ZNF800: variants seen among roughly 807,000 people sequenced by gnomAD.
ZNF800 encodes the protein zinc finger protein 800.
ZNF800 carries 13 observed loss-of-function variants against 59.5 expected under a neutral mutation model. That is an observed-to-expected ratio of 0.22 (90% CI 0.14 to 0.35). ZNF800 has a LOEUF of 0.35. ZNF800 is among the 10% of genes least tolerant of loss of function. The pLI is 1.00. For synonymous variants in ZNF800, 266 were observed against 265.7 expected (o/e 1.00, Z -0.01); for missense variants, 621 against 783.7 (o/e 0.79, Z 2.48).
chr7:127,377,130 C>A lies in ZNF800; in HGVS notation c.301+56G>T. The A allele has an allele frequency of 7.1e-7, 1 of 1,409,118 alleles. No homozygotes were observed. Among genetic ancestry groups the A allele is most frequent in the South Asian group, 1.4e-5 (1 of 71,892 alleles). 87.3% of individuals were successfully genotyped at this position (1,409,118 alleles called of 1,614,324 possible). On this transcript the variant is annotated intron_variant, in intron 4 of 5. Coordinates refer to ENST00000265827, the MANE Select transcript of ZNF800 (RefSeq NM_176814.5). The surrounding 1 kb of genome is among the most constrained non-coding windows in gnomAD (Gnocchi z 4.7). ...CAATTTTAATGCAAATGTATACTTG[C>A]AGTATAAGAATACTTAGCTGTAAAA...
intron 1 of ZNF800, chr7:127,361,296 G>C (rs542547151): frequency 6.6e-6 from 1 of 152,108 alleles, no homozygotes; most frequent in Non-Finnish European, 1.5e-5. Context: ...ATCACTCTAA[G>C]GCCAGGTGTG....
In ZNF800 at chr7:127,386,311, A is replaced by C. The variant is rs112858375; in HGVS notation, c.62-156T>G. Among the ~76,000 whole-genome samples, 364 of 152,318 alleles carry C rather than the reference A, an allele frequency of 2.4e-3. 2 individuals are homozygous for C. Among genetic ancestry groups the C allele is most frequent in the African/African-American group, 7.9e-3 (330 of 41,584 alleles). On this transcript the variant is annotated intron_variant, in intron 2 of 5. Transcript: ENST00000265827. ...ACGCATATATAATATGTAGATATAT[A>C]TATAATTAACCATCATCTTTGTAAG...
At chr7:127,352,871 T>C (rs955212073) in intron 1 of ZNF800, among the ~76,000 whole-genome samples, 2 of 148,962 alleles carry the variant, frequency 1.3e-5, no homozygotes, top group Non-Finnish European at 3.0e-5. Context: ...GCTGTCCACC[T>C]TCTTTAAACA....
In ZNF800 at chr7:127,392,144, G is replaced by A; in HGVS notation, c.-143C>T. 2.5e-6 allele frequency: 1 copy of A among 394,602 alleles called. No homozygotes were observed. The highest frequency in any genetic ancestry group is 4.5e-6 in the Non-Finnish European group (1 of 223,504). 24.4% of individuals were successfully genotyped at this position (394,602 alleles called of 1,614,324 possible). On this transcript the variant is annotated 5_prime_UTR_variant, in exon 1 of 6. Transcript: ENST00000265827. Reference sequence around the variant, plus strand: ...CGGGGACAGCCTGGCGTGGGAGGCGGCTGCGGGCCCCACCTGGCGCAGCCT... The same window carrying A: ...CGGGGACAGCCTGGCGTGGGAGGCGACTGCGGGCCCCACCTGGCGCAGCCT...
rs577288829 is a variant in ZNF800 at position 127,353,780 on chromosome 7, C to T, written n.225-5737G>A. Among the ~76,000 whole-genome samples, 18 of 151,968 alleles carry T rather than the reference C, an allele frequency of 1.2e-4. No homozygotes were observed. In the South Asian group the frequency reaches 2.9e-3, roughly 25 times the overall value. On this transcript the variant is annotated intron_variant and non_coding_transcript_variant, in intron 1 of 1. Transcript: ENST00000485577. ...TTGGTCCATAAGATCTAAAATCAAA[C>T]GGTTCTGACAGGCTCTATTTTTCTC...
intron 4 of ZNF800, among the ~76,000 whole-genome samples, 195 bp downstream of exon 4, chr7:127,376,991 A>G (rs890126401): frequency 8.6e-5 from 13 of 152,002 alleles, no homozygotes; most frequent in African/African-American, 3.1e-4. Context: ...ATTGATATGA[A>G]AGTACCTAAG....
At chr7:127,366,865 G>C (rs1459919387), downstream of ZNF800, among the ~76,000 whole-genome samples, 1 of 152,094 alleles carries the variant, frequency 6.6e-6, no homozygotes, top group Non-Finnish European at 1.5e-5. Context: ...ACTGACATGA[G>C]AGATTAGCCC....
intron 1 of ZNF800, among the ~76,000 whole-genome samples, chr7:127,357,969 T>C (rs1410717185): frequency 2.0e-5 from 3 of 152,012 alleles, no homozygotes; most frequent in African/African-American, 7.2e-5. Context: ...AGTAGTATAA[T>C]ACATTGATTC....
chr7:127,372,454 T>C (rs536263536), intron 5 of ZNF800: 442 of 329,924 alleles, frequency 1.3e-3, no homozygotes, highest in Non-Finnish European at 1.8e-3. Context: ...CACTCCAGCC[T>C]GGGCAACAAG....
In ZNF800 at chr7:127,385,707, G is replaced by A. The variant is rs1801120435; in HGVS notation, c.157+353C>T. ...AGTAATCTACTGTACCAAAGCTCAT[G>A]AAGACCCAGAATAATTTACTGCCTT... On this transcript the variant is annotated intron_variant, in intron 3 of 5. Transcript: ENST00000265827. 2.0e-5 allele frequency among the ~76,000 whole-genome samples: 3 copies of A among 152,216 alleles called. No individual in the cohort carries two copies. In the South Asian group the frequency reaches 6.2e-4, roughly 32 times the overall value.
chr7:127,390,196 G>T (rs1321133805), intron 2 of ZNF800, among the ~76,000 whole-genome samples: 4 of 151,928 alleles, frequency 2.6e-5, no homozygotes, highest in South Asian at 4.2e-4. Flanking sequence ...TAGACTAAAA[G>T]GTCAGTGGAA....
downstream of ZNF800, among the ~76,000 whole-genome samples, chr7:127,345,428 G>T (rs866877077): frequency 6.6e-6 from 1 of 152,178 alleles, no homozygotes; most frequent in Non-Finnish European, 1.5e-5. Flanking sequence ...TCAATAGAGT[G>T]CTCTGTGCAG....
chr7:127,363,946 C>T (rs1167520594), intron 1 of ZNF800: 1 of 151,978 alleles, frequency 6.6e-6, no homozygotes, highest in Non-Finnish European at 1.5e-5. Context: ...AGGTGCCAAG[C>T]TGTGTAAGGA....
At chr7:127,387,827 C>T (rs1002058659) in intron 2 of ZNF800, among the ~76,000 whole-genome samples, 2 of 151,838 alleles carry the variant, frequency 1.3e-5, no homozygotes, top group Admixed American at 6.6e-5. Context: ...CGCCACTGCA[C>T]TCCAGCCTGG....
At chr7:127,356,923 T>C (rs1343503922) in intron 1 of ZNF800, among the ~76,000 whole-genome samples, 1 of 152,046 alleles carries the variant, frequency 6.6e-6, no homozygotes, top group Non-Finnish European at 1.5e-5. Flanking sequence ...TATTGAAACT[T>C]GACAAAGTCT....
intron 1 of ZNF800, among the ~76,000 whole-genome samples, chr7:127,357,707 T>G (rs1038307105): frequency 6.6e-6 from 1 of 152,064 alleles, no homozygotes; most frequent in Non-Finnish European, 1.5e-5. Flanking sequence ...TCTTACAGAT[T>G]TTATCTTAAA....
chr7:127,347,041 C>T (rs712696), exon 2 of ZNF800: 97,623 of 152,280 alleles, frequency 0.64, 31,769 homozygotes, highest in East Asian at 0.86. Context: ...GCAAACCCAG[C>T]AGTGTATGCC....
chr7:127,348,205 C>T (rs1400081241), intron 1 of ZNF800, among the ~76,000 whole-genome samples: 1 of 152,096 alleles, frequency 6.6e-6, no homozygotes, highest in Admixed American at 6.5e-5. Context: ...AGAGAGAAAA[C>T]TGCGGTGGTC....
intron 2 of ZNF800, among the ~76,000 whole-genome samples, 189 bp from the exon 3 acceptor site, chr7:127,386,344 G>A (rs1440067552): frequency 1.3e-5 from 2 of 152,090 alleles, no homozygotes; most frequent in Admixed American, 6.5e-5. Context: ...AAGGCAAAAT[G>A]AAACAATGGA....
Sources: gnomAD v4.1 joint callset for allele counts (sites outside exome capture counted in the v4.1 genomes callset) on GRCh38, gnomAD v4.1.1 for gene constraint, Gnocchi (gnomAD v3.1) non-coding constraint, MANE v1.5 for transcripts, NCBI Gene and HGNC (gene_info 2026-07-23, HGNC 2026-07-21) for gene names.